The following SNX10 variants were observed in gnomAD, a reference collection of about 807,000 sequenced individuals.
SNX10 encodes the protein sorting nexin-10.
In SNX10, 25 loss-of-function variants were observed where a neutral mutation model predicts 28.5. The ratio of observed to expected loss-of-function variants is 0.88; its 90% confidence interval spans 0.64 to 1.22. SNX10 has a LOEUF of 1.22. SNX10 is among the 50% of genes most tolerant of loss of function. The pLI is 0.00. For synonymous variants in SNX10, 62 were observed against 81.4 expected (o/e 0.76, Z 1.28); for missense variants, 223 against 242.6 (o/e 0.92, Z 0.54).
chr7:26,337,328 C>A (rs186533676), intron 1 of SNX10, among the ~76,000 whole-genome samples: 1 of 152,142 alleles, frequency 6.6e-6, no homozygotes, highest in Non-Finnish European at 1.5e-5. Flanking sequence ...TAGACCTTAC[C>A]ACTTTTTAAA....
chr7:26,327,779 G>A (rs543175593), intron 1 of SNX10, among the ~76,000 whole-genome samples: 1 of 141,134 alleles, frequency 7.1e-6, no homozygotes, highest in African/African-American at 2.7e-5. Context: ...CCCCAGGCTG[G>A]TGTACAGTGG....
At chr7:26,326,562 A>G (rs1298085078) in intron 1 of SNX10, among the ~76,000 whole-genome samples, 1 of 152,180 alleles carries the variant, frequency 6.6e-6, no homozygotes, top group Non-Finnish European at 1.5e-5. Context: ...GCCAACTGGG[A>G]CACCAGAGCA....
intron 1 of SNX10, among the ~76,000 whole-genome samples, chr7:26,298,218 C>T (rs1362896889): frequency 1.3e-5 from 2 of 151,720 alleles, no homozygotes; most frequent in East Asian, 3.9e-4. Flanking sequence ...AAGACTCAGT[C>T]TCAAAAAAAA....
At chr7:26,324,436 T>C (rs943107222) in intron 1 of SNX10, among the ~76,000 whole-genome samples, 4 of 152,228 alleles carry the variant, frequency 2.6e-5, no homozygotes, top group Non-Finnish European at 5.9e-5. Flanking sequence ...CATGGCTCAC[T>C]GTAGCCTCAA....
At chr7:26,366,527 C>T (rs1344088851) in intron 5 of SNX10, among the ~76,000 whole-genome samples, 1 of 152,138 alleles carries the variant, frequency 6.6e-6, no homozygotes, top group Non-Finnish European at 1.5e-5. Flanking sequence ...GAGACCTGGC[C>T]AAGTTTTTCC....
At chr7:26,353,020 A>G (rs544824473) in intron 2 of SNX10, among the ~76,000 whole-genome samples, 1 of 152,120 alleles carries the variant, frequency 6.6e-6, no homozygotes, top group African/African-American at 2.4e-5. Flanking sequence ...CTGATGTGTT[A>G]CAAGATATGA....
intron 1 of SNX10, among the ~76,000 whole-genome samples, chr7:26,308,765 C>G (rs995936674): frequency 6.6e-6 from 1 of 152,096 alleles, no homozygotes; most frequent in Non-Finnish European, 1.5e-5. Context: ...GAAGCACAGG[C>G]GAAACAGCCT....
chr7:26,295,202 A>C (rs1457308894), intron 1 of SNX10, among the ~76,000 whole-genome samples: 1 of 152,104 alleles, frequency 6.6e-6, no homozygotes, highest in Non-Finnish European at 1.5e-5. Context: ...AACCCCTTTC[A>C]AATATATGAT....
At chr7:26,311,303 C>T (rs1002753052) in intron 1 of SNX10, among the ~76,000 whole-genome samples, 9 of 152,212 alleles carry the variant, frequency 5.9e-5, no homozygotes, top group Middle Eastern at 3.2e-3. Context: ...GCTTGCGCCA[C>T]TAGGCCTGGC....
intron 1 of SNX10, among the ~76,000 whole-genome samples, chr7:26,299,220 G>C (rs1786226095): frequency 6.6e-6 from 1 of 152,038 alleles, no homozygotes; most frequent in South Asian, 2.1e-4. Flanking sequence ...TTTTGAGATG[G>C]AGTCTCGCTC....
chr7:26,369,734 T>C (rs1213388781), intron 5 of SNX10, among the ~76,000 whole-genome samples: 9 of 152,164 alleles, frequency 5.9e-5, no homozygotes, highest in Admixed American at 4.6e-4. Context: ...GATGGCAGTA[T>C]TGAGCAGAAA....
chr7:26,344,454 C>T (rs541875165), intron 1 of SNX10, among the ~76,000 whole-genome samples: 1 of 121,102 alleles, frequency 8.3e-6, no homozygotes, highest in East Asian at 2.6e-4. Context: ...CAGGTGTGAG[C>T]CACCACCTGG....
chr7:26,318,547 A>G (rs1428317556), intron 1 of SNX10, among the ~76,000 whole-genome samples: 3 of 152,166 alleles, frequency 2.0e-5, no homozygotes, highest in Non-Finnish European at 2.9e-5. Context: ...GGCTCACTGC[A>G]ATCTCTGCCT....
intron 1 of SNX10, among the ~76,000 whole-genome samples, chr7:26,345,224 A>T (rs1047180106): frequency 2.0e-5 from 3 of 152,310 alleles, no homozygotes; most frequent in Admixed American, 2.0e-4. Context: ...TATGGCAGCC[A>T]CAATTCCACC....
At chr7:26,363,673 A>G (rs948196437) in intron 3 of SNX10, among the ~76,000 whole-genome samples, 1 of 152,150 alleles carries the variant, frequency 6.6e-6, no homozygotes, top group African/African-American at 2.4e-5. Flanking sequence ...TGTTTACCCA[A>G]AGGAGAAGCA....
At chr7:26,297,632 C>T (rs1786160968) in intron 1 of SNX10, among the ~76,000 whole-genome samples, 1 of 152,194 alleles carries the variant, frequency 6.6e-6, no homozygotes, top group Admixed American at 6.5e-5. Context: ...CATCCTCCTT[C>T]CTTCTTTCCT....
intron 1 of SNX10, among the ~76,000 whole-genome samples, chr7:26,333,936 G>C (rs149152070): frequency 6.0e-4 from 91 of 152,288 alleles, no homozygotes; most frequent in African/African-American, 2.1e-3. Context: ...TGAGTGAGTA[G>C]CTGAAGATAG....
At chr7:26,334,980 G>A (rs184599996) in intron 1 of SNX10, among the ~76,000 whole-genome samples, 11 of 152,278 alleles carry the variant, frequency 7.2e-5, no homozygotes, top group Non-Finnish European at 2.9e-5. Flanking sequence ...TCATGTTTTG[G>A]TGCAGCTCTA....
chr7:26,343,571 C>T (rs991423289), intron 1 of SNX10, among the ~76,000 whole-genome samples: 5 of 152,144 alleles, frequency 3.3e-5, no homozygotes, highest in South Asian at 2.1e-4. Flanking sequence ...CTGCACAGCA[C>T]GCGGTTGTGT....
Sources: gnomAD v4.1 joint callset for allele counts (sites outside exome capture counted in the v4.1 genomes callset) on GRCh38, gnomAD v4.1.1 for gene constraint, MANE v1.5 for transcripts, NCBI Gene and HGNC (gene_info 2026-07-23, HGNC 2026-07-21) for gene names.